Variants in SYNDIG1 observed in about 807,000 individuals in gnomAD.
SYNDIG1 encodes the protein synapse differentiation-inducing gene protein 1.
In SYNDIG1, 9 loss-of-function variants were observed where a neutral mutation model predicts 19.4. That is an observed-to-expected ratio of 0.46 (90% CI 0.28 to 0.81). The LOEUF (loss-of-function observed/expected upper bound fraction) is 0.81, where lower values mean the gene tolerates loss of function less well. Ranked by LOEUF, SYNDIG1 falls within the 30% of genes least tolerant of loss-of-function variation. The pLI is 0.12. For synonymous variants in SYNDIG1, 141 were observed against 145.9 expected, an observed-to-expected ratio of 0.97 and a Z score of 0.24; for missense variants, 311 against 343.3, an observed-to-expected ratio of 0.91 and a Z score of 0.74.
intron 3 of SYNDIG1, among the ~76,000 whole-genome samples, chr20:24,586,379 G>C (rs181880061): frequency 6.6e-6 from 1 of 152,174 alleles, no homozygotes; most frequent in Non-Finnish European, 1.5e-5. Flanking sequence ...CATGGGGTGG[G>C]AAGCCTGACT....
intron 3 of SYNDIG1, among the ~76,000 whole-genome samples, chr20:24,599,428 A>T (rs1277249375): frequency 2.6e-5 from 4 of 152,220 alleles, no homozygotes; most frequent in Non-Finnish European, 5.9e-5. Context: ...CAGTATGGAG[A>T]TTTCTCAAAA....
chr20:24,534,359 C>T (rs1015694545), intron 1 of SYNDIG1, among the ~76,000 whole-genome samples: 2 of 152,192 alleles, frequency 1.3e-5, no homozygotes, highest in Non-Finnish European at 2.9e-5. Flanking sequence ...CCTGTAGATC[C>T]CACCTGGACT....
At chr20:24,499,423 G>T (rs2056387568) in intron 1 of SYNDIG1, among the ~76,000 whole-genome samples, 2 of 152,184 alleles carry the variant, frequency 1.3e-5, no homozygotes, top group East Asian at 1.9e-4. Context: ...AGGCCCAGTG[G>T]CACAGTTATT....
chr20:24,546,087 C>T lies in SYNDIG1; in HGVS notation c.480+2510C>T, dbSNP rs181320702. ...TGCTTCTACATGCGGCTCAGGATGCCAAGGAGGATTTCAGAGCCTCACCAC... is the reference window on the plus strand; with the variant it reads ...TGCTTCTACATGCGGCTCAGGATGCTAAGGAGGATTTCAGAGCCTCACCAC... On this transcript the variant is annotated intron_variant, in intron 2 of 3. Transcript: ENST00000376862. 5.5e-4 allele frequency among the ~76,000 whole-genome samples: 83 copies of T among 152,244 alleles called. 1 individual carries two copies. Among genetic ancestry groups the T allele is most frequent in the African/African-American group, 1.7e-3 (72 of 41,568 alleles).
chr20:24,618,724 T>G (rs2058988913), intron 3 of SYNDIG1, among the ~76,000 whole-genome samples: 1 of 152,230 alleles, frequency 6.6e-6, no homozygotes, highest in Non-Finnish European at 1.5e-5. Context: ...TTTTACACAC[T>G]GAGAAGAGCT....
At chr20:24,517,769 A>G (rs923021244) in intron 1 of SYNDIG1, among the ~76,000 whole-genome samples, 6 of 146,404 alleles carry the variant, frequency 4.1e-5, no homozygotes, top group African/African-American at 1.2e-4. Flanking sequence ...GTATATATAT[A>G]TATACATACA....
At chr20:24,625,941 C>T (rs966568620) in intron 3 of SYNDIG1, among the ~76,000 whole-genome samples, 25 of 151,290 alleles carry the variant, frequency 1.7e-4, no homozygotes, top group African/African-American at 1.9e-4. Context: ...TAGGGGTGGC[C>T]GGGCAGAGGC....
chr20:24,625,693 TC>T (rs2059114825), intron 3 of SYNDIG1, among the ~76,000 whole-genome samples: 1 of 151,712 alleles, frequency 6.6e-6, no homozygotes. Context: ...AGGTCATAGA[TC>T]AACAGGATCC....
intron 3 of SYNDIG1, among the ~76,000 whole-genome samples, chr20:24,642,635 A>G (rs891190463): frequency 6.6e-6 from 1 of 152,126 alleles, no homozygotes; most frequent in Admixed American, 6.5e-5. Context: ...AAACTACATA[A>G]TTTATTTGCT....
At chr20:24,545,463 T>C (rs2057557755) in intron 2 of SYNDIG1, among the ~76,000 whole-genome samples, 1 of 152,006 alleles carries the variant, frequency 6.6e-6, no homozygotes, top group Non-Finnish European at 1.5e-5. Context: ...GGAGTGGAAT[T>C]AGAGAGGCAG....
intron 2 of SYNDIG1, among the ~76,000 whole-genome samples, chr20:24,569,749 G>A (rs2058110293): frequency 1.3e-5 from 2 of 152,178 alleles, no homozygotes; most frequent in African/African-American, 2.4e-5. Flanking sequence ...GAAGTGTTTA[G>A]GGGGAGTGTC....
intron 1 of SYNDIG1, among the ~76,000 whole-genome samples, chr20:24,496,472 T>C (rs1026882672): frequency 2.0e-5 from 3 of 152,254 alleles, no homozygotes; most frequent in Admixed American, 1.3e-4. Flanking sequence ...GATTTTATCC[T>C]TTTTGATTCT....
intron 1 of SYNDIG1, among the ~76,000 whole-genome samples, chr20:24,512,988 C>T (rs1436279959): frequency 6.6e-6 from 1 of 151,994 alleles, no homozygotes; most frequent in East Asian, 1.9e-4. Flanking sequence ...TGTTCTGCAG[C>T]CTCCGCTGGT....
At chr20:24,565,250 G>A (rs139313137) in intron 2 of SYNDIG1, among the ~76,000 whole-genome samples, 58 of 152,298 alleles carry the variant, frequency 3.8e-4, no homozygotes, top group African/African-American at 1.3e-3. Context: ...AATATGTGAA[G>A]GAAGGAACAT....
chr20:24,520,651 C>G (rs534881821), intron 1 of SYNDIG1, among the ~76,000 whole-genome samples: 98 of 151,504 alleles, frequency 6.5e-4, no homozygotes, highest in African/African-American at 2.3e-3. Flanking sequence ...TGAGATCATG[C>G]CAGTGTACTC....
At chr20:24,595,438 T>G (rs2058580216) in intron 3 of SYNDIG1, among the ~76,000 whole-genome samples, 1 of 152,136 alleles carries the variant, frequency 6.6e-6, no homozygotes, top group Non-Finnish European at 1.5e-5. Flanking sequence ...GTTTATTAAG[T>G]ATATTGGCCT....
rs144278039 is a variant in SYNDIG1, at chr20:24,665,456, C to T, written c.729C>T (p.Gly243=). The change falls in exon 4 of 4, where the codon GGC becomes GGT. Residue 243 remains glycine (G), a synonymous_variant. Transcript: ENST00000376862. Reference sequence around the variant, plus strand: ...CCATTGGGACTGGCGTCTATGTGGGCGTGGCCGTGGCCCTCATCGCCTACC... The same window carrying T: ...CCATTGGGACTGGCGTCTATGTGGGTGTGGCCGTGGCCCTCATCGCCTACC... ...SITIGTGVYV[G]VAVALIAYLS... The T allele has an allele frequency of 8.7e-6, 14 of 1,613,846 alleles. No homozygotes were observed. The highest frequency in any genetic ancestry group is 6.7e-5 in the Admixed American group (4 of 59,952).
At chr20:24,577,691 AGGTGCTGTCCTT>A (rs2058252460) in intron 2 of SYNDIG1, among the ~76,000 whole-genome samples, 1 of 152,214 alleles carries the variant, frequency 6.6e-6, no homozygotes, top group African/African-American at 2.4e-5. Context: ...CAGCTTTCCC[AGGTGCTGTCCTT>A]GGTCCTGTCC....
intron 3 of SYNDIG1, among the ~76,000 whole-genome samples, chr20:24,632,478 G>A (rs1242521212): frequency 6.6e-6 from 1 of 152,172 alleles, no homozygotes; most frequent in Non-Finnish European, 1.5e-5. Flanking sequence ...GACCTTAGGT[G>A]ATCAGCCTGC....
Sources: gnomAD v4.1 joint callset for allele counts (sites outside exome capture counted in the v4.1 genomes callset) on GRCh38, gnomAD v4.1.1 for gene constraint, MANE v1.5 for transcripts, NCBI Gene and HGNC (gene_info 2026-07-23, HGNC 2026-07-21) for gene names.